Variants in GPHN observed in about 807,000 individuals in gnomAD.
GPHN encodes gephyrin.
A neutral mutation model predicts 95.5 loss-of-function variants in GPHN; 17 were observed. That is an observed-to-expected ratio of 0.18 (90% CI 0.12 to 0.27). The LOEUF is 0.27. Ranked by LOEUF, GPHN falls within the 10% of genes least tolerant of loss-of-function variation. GPHN has a pLI of 1.00. For missense variants in GPHN, 660 were observed against 978.1 expected (o/e 0.67, Z 4.34); for synonymous variants, 320 against 322.5 (o/e 0.99, Z 0.08).
chr14:67,078,270 A>G (rs893832760), intron 11 of GPHN, among the ~76,000 whole-genome samples: 9 of 152,120 alleles, frequency 5.9e-5, no homozygotes, highest in Non-Finnish European at 1.0e-4. Context: ...CTTATTATAA[A>G]TGGGGCTCTT....
chr14:67,199,905 G>A, the GPHN span: 3 of 1,478,442 alleles, frequency 2.0e-6, no homozygotes, highest in Non-Finnish European at 2.7e-6. Flanking sequence ...GAACCCCAGG[G>A]GCAGGACATC....
At chr14:67,213,369 G>A in the GPHN span, among the ~76,000 whole-genome samples, 3 of 125,962 alleles carry the variant, frequency 2.4e-5, no homozygotes, top group Admixed American at 2.1e-4. Context: ...CTGTGTCCAT[G>A]TGTTCTCATT....
intron 8 of GPHN, among the ~76,000 whole-genome samples, chr14:66,932,709 C>A (rs2066891989): frequency 6.6e-6 from 1 of 151,564 alleles, no homozygotes; most frequent in Non-Finnish European, 1.5e-5. Context: ...GATGTTTATT[C>A]AAGGCCCAAG....
the GPHN span, chr14:67,347,405 T>C: frequency 6.2e-7 from 1 of 1,601,166 alleles, no homozygotes; most frequent in Non-Finnish European, 8.6e-7. Flanking sequence ...AGTTTCACAC[T>C]TACTGTCAGT....
intron 1 of GPHN, among the ~76,000 whole-genome samples, chr14:66,573,533 A>G (rs571312187): frequency 6.7e-6 from 1 of 148,832 alleles, no homozygotes; most frequent in Admixed American, 6.7e-5. Context: ...GCTCATTGCA[A>G]CCTCTGCCTC....
Position 67,078,201 on chromosome 14 carries a change from A to G in GPHN, c.1145-10782A>G, listed in dbSNP as rs1325762870. ...GAAAAGCTGCAAATTCCCGACATCA[A>G]ATGTTCCTAAGCAAGCATATTAGTT... On this transcript the variant is annotated intron_variant, in intron 11 of 22. Coordinates refer to ENST00000478722, the MANE Select transcript of GPHN (RefSeq NM_020806.5). Among the ~76,000 whole-genome samples, 4 of 152,128 alleles carry G rather than the reference A, an allele frequency of 2.6e-5. No homozygotes were observed. The South Asian group carries it at 6.2e-4, about 24-fold the overall frequency.
At chr14:67,048,681 A>G (rs916533258) in intron 10 of GPHN, among the ~76,000 whole-genome samples, 1 of 152,192 alleles carries the variant, frequency 6.6e-6, no homozygotes, top group Non-Finnish European at 1.5e-5. Context: ...CTTGTAGTTT[A>G]TTTTTACCAA....
chr14:67,151,023 A>G (rs1449592143), intron 18 of GPHN, among the ~76,000 whole-genome samples: 1 of 152,194 alleles, frequency 6.6e-6, no homozygotes, highest in East Asian at 1.9e-4. Flanking sequence ...AATTTTAGAA[A>G]TATTTTATAT....
At chr14:67,411,635 T>A in the GPHN span, among the ~76,000 whole-genome samples, 1 of 152,198 alleles carries the variant, frequency 6.6e-6, no homozygotes, top group Non-Finnish European at 1.5e-5. Flanking sequence ...TTAAGACACA[T>A]AGTAGCATTC....
At chr14:66,793,085 G>C (rs371657032) in intron 3 of GPHN, among the ~76,000 whole-genome samples, 2 of 152,188 alleles carry the variant, frequency 1.3e-5, no homozygotes, top group South Asian at 2.1e-4. Context: ...ACAACCTTCC[G>C]GCGTGGGCCT....
At chr14:66,586,644 T>C (rs1282820106) in intron 1 of GPHN, among the ~76,000 whole-genome samples, 2 of 152,234 alleles carry the variant, frequency 1.3e-5, no homozygotes, top group Non-Finnish European at 2.9e-5. Context: ...CCTTCACTTA[T>C]GAAGCTTAGT....
At chr14:66,683,837 C>T (rs1237650817) in intron 2 of GPHN, among the ~76,000 whole-genome samples, 2 of 151,604 alleles carry the variant, frequency 1.3e-5, no homozygotes, top group African/African-American at 4.8e-5. Context: ...ATTAGCCAGG[C>T]GTGGTGGCGG....
chr14:66,759,853 ATAAC>A (rs1192847771), intron 2 of GPHN, among the ~76,000 whole-genome samples: 14 of 152,234 alleles, frequency 9.2e-5, no homozygotes, highest in African/African-American at 3.4e-4. Context: ...AATATGTAAT[ATAAC>A]TAATTAAAAT....
At chr14:67,573,237 G>A in the GPHN span, 1 of 1,309,928 alleles carries the variant, frequency 7.6e-7, no homozygotes, top group African/African-American at 1.4e-5. The surrounding 1 kb of genome is among the most constrained non-coding windows in gnomAD (Gnocchi z 4.8). Flanking sequence ...AGCCCTGAGT[G>A]ATTTCCCCTT....
chr14:67,663,053 T>A, the GPHN span: 1 of 1,456,138 alleles, frequency 6.9e-7, no homozygotes, highest in Admixed American at 2.7e-5. Flanking sequence ...GGCTGTCTGG[T>A]GTGGTGCTTG....
the GPHN span, chr14:67,198,063 T>A: frequency 6.9e-7 from 1 of 1,457,790 alleles, no homozygotes; most frequent in Non-Finnish European, 9.2e-7. Context: ...GCTGAATTAA[T>A]AAATAAATGA....
chr14:67,171,891 A>G (rs1028762773), intron 21 of GPHN, among the ~76,000 whole-genome samples: 3 of 152,122 alleles, frequency 2.0e-5, no homozygotes, highest in African/African-American at 7.2e-5. Context: ...AGAGGATCCC[A>G]GCAACCCCCA....
chr14:67,522,609 A>C, the GPHN span, among the ~76,000 whole-genome samples: 7 of 152,226 alleles, frequency 4.6e-5, no homozygotes, highest in Non-Finnish European at 1.0e-4. Context: ...GGGACTTGGC[A>C]ACATTAATAG....
the GPHN span, among the ~76,000 whole-genome samples, chr14:67,225,962 T>TGCGC: frequency 9.9e-3 from 1,124 of 113,490 alleles, 9 homozygotes; most frequent in Non-Finnish European, 0.014. Flanking sequence ...TGTGTGTGTG[T>TGCGC]GCGCGCGCGC....
Sources: allele counts gnomAD v4.1 joint callset (sites outside exome capture counted in the v4.1 genomes callset), GRCh38; gene constraint gnomAD v4.1.1; non-coding constraint Gnocchi (gnomAD v3.1); transcripts MANE v1.5; gene names NCBI Gene and HGNC (gene_info 2026-07-23, HGNC 2026-07-21).